Variants in SLC22A3 observed in about 807,000 individuals in gnomAD.
SLC22A3 encodes EMT organic cation transporter 3.
A neutral mutation model predicts 59.1 loss-of-function variants in SLC22A3; 51 were observed. That is an observed-to-expected ratio of 0.86 (90% CI 0.69 to 1.09). SLC22A3 has a LOEUF of 1.09. Ranked by LOEUF, SLC22A3 falls within the 50% of genes least tolerant of loss-of-function variation. The pLI is 0.00. For synonymous variants in SLC22A3, 325 were observed against 292.0 expected, an observed-to-expected ratio of 1.11 and a Z score of -1.15; for missense variants, 711 against 726.3, an observed-to-expected ratio of 0.98 and a Z score of 0.24.
At chr6:160,383,025 A>G (rs955197831) in intron 1 of SLC22A3, among the ~76,000 whole-genome samples, 1 of 152,188 alleles carries the variant, frequency 6.6e-6, no homozygotes, top group Non-Finnish European at 1.5e-5. Context: ...AATACCCACA[A>G]AAAACACTAT....
intron 5 of SLC22A3, among the ~76,000 whole-genome samples, chr6:160,414,938 C>A (rs762456426): frequency 6.6e-6 from 1 of 152,116 alleles, no homozygotes; most frequent in Non-Finnish European, 1.5e-5. Context: ...CGCAGCTTAT[C>A]CAGAGTCTGC....
intron 1 of SLC22A3, among the ~76,000 whole-genome samples, chr6:160,372,313 C>T (rs566162949): frequency 3.4e-4 from 52 of 152,234 alleles, no homozygotes; most frequent in Non-Finnish European, 6.9e-4. Flanking sequence ...TTCAGAATGT[C>T]GAATACTGGC....
At chr6:160,377,068 T>C (rs1785622844) in intron 1 of SLC22A3, among the ~76,000 whole-genome samples, 1 of 152,198 alleles carries the variant, frequency 6.6e-6, no homozygotes, top group Admixed American at 6.5e-5. Flanking sequence ...TTGGGAAAGA[T>C]GCTGTTGGTG....
rs1789008956 is a variant in SLC22A3, at chr6:160,452,551, A to C, written c.*1495A>C. On this transcript the variant is annotated 3_prime_UTR_variant, in exon 11 of 11. Transcript: ENST00000275300. ...TTTGAGTGGATATTTTTGTTTGGTA[A>C]CAATTAAAATTTTAAATCGTAAAAA... The C allele has an allele frequency of 6.7e-6, 1 of 150,256 alleles. No individual in the cohort carries two copies. Among genetic ancestry groups the C allele is most frequent in the African/African-American group, 2.5e-5 (1 of 39,548 alleles). The allele number at this position is 150,256 out of a possible 1,614,324, so 9.3% of individuals were successfully genotyped here. A position where few individuals can be genotyped will look rare whatever the true frequency, so the allele number is the denominator to read the frequency against.
chr6:160,392,241 C>T (rs1033364987), intron 1 of SLC22A3, among the ~76,000 whole-genome samples: 7 of 152,216 alleles, frequency 4.6e-5, no homozygotes, highest in African/African-American at 1.4e-4. Context: ...TGGACCTGCT[C>T]CTCATCTTGT....
At chr6:160,410,207 G>T (rs890712491) in intron 4 of SLC22A3, among the ~76,000 whole-genome samples, 6 of 152,020 alleles carry the variant, frequency 3.9e-5, no homozygotes, top group African/African-American at 1.5e-4. Flanking sequence ...AATAGAGACA[G>T]AGTCTTACCA....
chr6:160,384,858 C>G (rs1785937048), intron 1 of SLC22A3, among the ~76,000 whole-genome samples: 2 of 152,184 alleles, frequency 1.3e-5, no homozygotes, highest in African/African-American at 2.4e-5. Context: ...CACCTCTTTC[C>G]CATGCAGGGA....
intron 1 of SLC22A3, among the ~76,000 whole-genome samples, chr6:160,375,099 G>A (rs1165850845): frequency 6.6e-6 from 1 of 152,188 alleles, no homozygotes; most frequent in East Asian, 1.9e-4. Context: ...GTAGCAGCAT[G>A]TCTTTCCAGA....
At chr6:160,414,389 T>C (rs1490122654) in intron 5 of SLC22A3, among the ~76,000 whole-genome samples, 5 of 152,226 alleles carry the variant, frequency 3.3e-5, no homozygotes, top group Non-Finnish European at 7.3e-5. Flanking sequence ...GACATATGCA[T>C]CATTTTTTCT....
At chr6:160,419,178 T>A (rs1482513175) in intron 5 of SLC22A3, among the ~76,000 whole-genome samples, 1 of 152,190 alleles carries the variant, frequency 6.6e-6, no homozygotes, top group African/African-American at 2.4e-5. Flanking sequence ...TTTTTTTTAT[T>A]ACCTTAGTTG....
chr6:160,357,092 G>A (rs1307640663), intron 1 of SLC22A3, among the ~76,000 whole-genome samples: 1 of 152,194 alleles, frequency 6.6e-6, no homozygotes, highest in Admixed American at 6.5e-5. Flanking sequence ...AAGGAGGGGA[G>A]CTGTCCTTGA....
chr6:160,409,945 C>A (rs1272591654), intron 4 of SLC22A3, among the ~76,000 whole-genome samples: 1 of 152,138 alleles, frequency 6.6e-6, no homozygotes, highest in Non-Finnish European at 1.5e-5. Flanking sequence ...CTCAGAAATT[C>A]TCTGAGGAAT....
chr6:160,442,683 A>G lies in SLC22A3; in HGVS notation c.1289-78A>G, dbSNP rs1788591971. The G allele has an allele frequency of 4.5e-6, 5 of 1,100,782 alleles. No homozygotes were observed. In the East Asian group the frequency reaches 1.2e-4, roughly 26 times the overall value. 68.2% of individuals were successfully genotyped at this position (1,100,782 alleles called of 1,614,324 possible). On this transcript the variant is annotated intron_variant, in intron 7 of 10. Coordinates refer to ENST00000275300, the MANE Select transcript of SLC22A3 (RefSeq NM_021977.4). ...ACTTCAGACTGGAGGCCACTAAGCA[A>G]ATACTTTTTGTTGTTCTGTAAAATG...
intron 1 of SLC22A3, among the ~76,000 whole-genome samples, chr6:160,384,074 C>T (rs1420912354): frequency 3.9e-5 from 6 of 152,262 alleles, no homozygotes; most frequent in South Asian, 2.1e-4. Context: ...GGATTACAGG[C>T]GCACACCACC....
At chr6:160,419,704 A>G (rs1372878020) in intron 5 of SLC22A3, among the ~76,000 whole-genome samples, 1 of 152,206 alleles carries the variant, frequency 6.6e-6, no homozygotes, top group African/African-American at 2.4e-5. Context: ...AATGGTGCCA[A>G]TTCTACCAGC....
At chr6:160,430,383 C>T (rs992569198) in intron 5 of SLC22A3, among the ~76,000 whole-genome samples, 10 of 152,052 alleles carry the variant, frequency 6.6e-5, no homozygotes, top group African/African-American at 1.9e-4. Flanking sequence ...CAGTCCTCCA[C>T]GTGGGGAGCT....
At position 160,451,079 on chromosome 6, in the gene SLC22A3, A is replaced by G. The variant is rs753448571; in HGVS notation, c.*23A>G. On this transcript the variant is annotated 3_prime_UTR_variant, in exon 11 of 11. Transcript: ENST00000275300. ...TGAGGCCCCCGACAAAGACAGAAAG[A>G]AGGAGCTATCCAGGAGCTGATCCTC... The G allele has an allele frequency of 1.9e-6, 3 of 1,580,266 alleles. No homozygotes were observed. Among genetic ancestry groups the G allele is most frequent in the African/African-American group, 1.4e-5 (1 of 73,902 alleles).
At chr6:160,441,734 T>C (rs1322930615) in intron 7 of SLC22A3, among the ~76,000 whole-genome samples, 1 of 151,538 alleles carries the variant, frequency 6.6e-6, no homozygotes, top group African/African-American at 2.4e-5. Context: ...GAAGGTTCAA[T>C]AATTCCCCTA....
chr6:160,448,573 T>C (rs28694446), intron 10 of SLC22A3, among the ~76,000 whole-genome samples: 131 of 152,062 alleles, frequency 8.6e-4, no homozygotes, highest in African/African-American at 3.0e-3. Flanking sequence ...GATAGAGAGA[T>C]TGAGTTTTGG....
Sources: allele counts gnomAD v4.1 joint callset (sites outside exome capture counted in the v4.1 genomes callset), GRCh38; gene constraint gnomAD v4.1.1; transcripts MANE v1.5; gene names NCBI Gene and HGNC (gene_info 2026-07-23, HGNC 2026-07-21).